ABLIM2: variants seen among roughly 807,000 people sequenced by gnomAD.
The protein encoded by ABLIM2 is actin binding LIM protein family member 2, also known as actin-binding LIM protein 2.
In ABLIM2, 53 loss-of-function variants were observed where a neutral mutation model predicts 97.7. The ratio of observed to expected loss-of-function variants is 0.54; its 90% CI spans 0.44 to 0.68. ABLIM2 has a LOEUF of 0.68. ABLIM2 is among the 30% of genes least tolerant of loss of function. The pLI is 0.00. For synonymous variants in ABLIM2, 361 were observed against 345.8 expected (o/e 1.04, Z -0.49); for missense variants, 835 against 867.2 (o/e 0.96, Z 0.47).
In ABLIM2 at chr4:8,019,436, T is replaced by A. The variant is rs142027399; in HGVS notation, c.1423+182A>T. Among the ~76,000 whole-genome samples the A allele has an allele frequency of 6.6e-6, 1 of 152,268 alleles. No individual in the cohort carries two copies. The highest frequency in any genetic ancestry group is 2.4e-5 in the African/African-American group (1 of 41,544). ...ACTCAGACATACCCTTCATCGTAAT[T>A]TATCAGAACAGGACTCTCGGGAGGC... On this transcript the variant is annotated intron_variant, in intron 14 of 20. Transcript: ENST00000447017. The surrounding 1 kb of genome is among the most constrained non-coding windows in gnomAD (Gnocchi z 4.3).
At chr4:8,025,476 T>G (rs1776711282) in intron 12 of ABLIM2, among the ~76,000 whole-genome samples, 2 of 152,072 alleles carry the variant, frequency 1.3e-5, no homozygotes, top group South Asian at 4.1e-4. Context: ...CACCCTCCTC[T>G]GCTACAAGGC....
In ABLIM2 at chr4:8,023,357, G is replaced by A. The variant is rs538649097; in HGVS notation, c.1268-3054C>T. Among the ~76,000 whole-genome samples the A allele has an allele frequency of 7.9e-5, 12 of 152,372 alleles. No homozygotes were observed. Among genetic ancestry groups the A allele is most frequent in the Non-Finnish European group, 1.3e-4 (9 of 68,042 alleles). On this transcript the variant is annotated intron_variant, in intron 12 of 20. Transcript: ENST00000447017. The surrounding 1 kb of genome is among the most constrained non-coding windows in gnomAD (Gnocchi z 5.7). ...CTCTCGGCTGCGACCTTTTGCAGAC[G>A]TTCCTTGTGTCTGAGGACTCTGGCA...
At position 8,071,951 on chromosome 4, in the gene ABLIM2, AG is replaced by A; in HGVS notation, c.675+5676del. Reference sequence around the variant, plus strand: ...GCACCGGCACACTGGGCCGAGCATCAGGCAGTGCCACCGCGGCGGCGGCAGC... The same window carrying A: ...GCACCGGCACACTGGGCCGAGCATCAGCAGTGCCACCGCGGCGGCGGCAGC... On this transcript the variant is annotated intron_variant, in intron 6 of 20. Coordinates refer to ENST00000447017, the MANE Select transcript of ABLIM2 (RefSeq NM_001130083.2). This position sits in a 1 kb window ranked among gnomAD's most constrained non-coding sequence, Gnocchi z 6.2. 1 of 985,440 alleles carries A rather than the reference AG, an allele frequency of 1.0e-6. No individual in the cohort carries two copies. The highest frequency in any genetic ancestry group is 1.2e-6 in the Non-Finnish European group (1 of 829,990). The allele number at this position is 985,440 out of a possible 1,614,324, so 61.0% of individuals were successfully genotyped here.
chr4:7,995,419 T>C (rs371750607), intron 16 of ABLIM2, among the ~76,000 whole-genome samples: 19 of 152,226 alleles, frequency 1.2e-4, no homozygotes, highest in African/African-American at 4.1e-4. Context: ...GCAAGGACCA[T>C]GCCTCCAGGG....
intron 1 of ABLIM2, among the ~76,000 whole-genome samples, chr4:8,138,219 G>A (rs1428036617): frequency 6.6e-6 from 1 of 152,078 alleles, no homozygotes; most frequent in Admixed American, 6.6e-5. Context: ...AGATGAAAAA[G>A]GTTCTATGGA....
chr4:8,120,290 C>G lies in ABLIM2; in HGVS notation c.11-13653G>C, dbSNP rs1002652889. 6.6e-6 allele frequency among the ~76,000 whole-genome samples: 1 copy of G among 152,130 alleles called. No homozygotes were observed. Among genetic ancestry groups the G allele is most frequent in the Non-Finnish European group, 1.5e-5 (1 of 68,030 alleles). ...CGTTGAAGTCCTAACCCCCGGACCT[C>G]GGCAAGTGACTGTGTTCGGAGACGG... On this transcript the variant is annotated intron_variant, in intron 1 of 20. Transcript: ENST00000447017. The surrounding 1 kb of genome is among the most constrained non-coding windows in gnomAD (Gnocchi z 5.6).
intron 17 of ABLIM2, among the ~76,000 whole-genome samples, chr4:7,985,174 C>A (rs890579817): frequency 3.9e-5 from 6 of 152,196 alleles, no homozygotes; most frequent in African/African-American, 1.4e-4. Context: ...GTGGACAGCT[C>A]CAACCCCATT....
intron 20 of ABLIM2, among the ~76,000 whole-genome samples, chr4:7,978,376 A>G (rs1735258133): frequency 6.6e-6 from 1 of 152,342 alleles, no homozygotes; most frequent in East Asian, 1.9e-4. Flanking sequence ...CCCAGCTGTC[A>G]GAGGGTGTTT....
intron 1 of ABLIM2, among the ~76,000 whole-genome samples, chr4:8,158,355 C>T (rs1716094969): frequency 6.6e-6 from 1 of 152,160 alleles, no homozygotes; most frequent in Non-Finnish European, 1.5e-5. Context: ...CCGCGCGGAC[C>T]CTGACCGCTT....
At chr4:8,131,632 G>A (rs1395853158) in intron 1 of ABLIM2, among the ~76,000 whole-genome samples, 1 of 148,006 alleles carries the variant, frequency 6.8e-6, no homozygotes, top group African/African-American at 2.6e-5. Flanking sequence ...CTGCATCCCT[G>A]AGCACAGCAG....
rs1355777458 is a variant in ABLIM2, at chr4:8,015,122, T to C, written c.1423+4496A>G. The stretch of plus-strand genomic sequence containing the variant: ...TGTTAGTGGAGACGGGGTTTCACCA[T>C]GTTGGCCAGGCTGGTCTCGAATGCT... On this transcript the variant is annotated intron_variant, in intron 14 of 20. Coordinates refer to ENST00000447017, the MANE Select transcript of ABLIM2 (RefSeq NM_001130083.2). This position sits in a 1 kb window ranked among gnomAD's most constrained non-coding sequence, Gnocchi z 4.6. Among the ~76,000 whole-genome samples the C allele has an allele frequency of 1.3e-5, 2 of 152,096 alleles. No homozygotes were observed. The highest frequency in any genetic ancestry group is 2.9e-5 in the Non-Finnish European group (2 of 68,006).
intron 3 of ABLIM2, among the ~76,000 whole-genome samples, chr4:8,092,477 C>T (rs116754462): frequency 0.023 from 3,558 of 152,214 alleles, 135 homozygotes; most frequent in African/African-American, 0.08. Flanking sequence ...AACAGAATGG[C>T]GTATGACAAA....
At chr4:8,145,545 G>A (rs905627742) in intron 1 of ABLIM2, among the ~76,000 whole-genome samples, 5 of 152,076 alleles carry the variant, frequency 3.3e-5, no homozygotes, top group South Asian at 4.2e-4. Context: ...GGTGAGCGCC[G>A]GGGGTTCCTG....
At chr4:8,089,141 C>A (rs1476224895) in intron 3 of ABLIM2, among the ~76,000 whole-genome samples, 1 of 152,226 alleles carries the variant, frequency 6.6e-6, no homozygotes, top group African/African-American at 2.4e-5. Flanking sequence ...GCAGCAAGTG[C>A]CTGGAGTGAG....
In ABLIM2 at chr4:8,068,387, G is replaced by A. The variant is rs1406665092; in HGVS notation, c.676-7333C>T. Among the ~76,000 whole-genome samples, 1 of 152,152 alleles carries A rather than the reference G, an allele frequency of 6.6e-6. No individual in the cohort carries two copies. The highest frequency in any genetic ancestry group is 1.5e-5 in the Non-Finnish European group (1 of 68,030). On this transcript the variant is annotated intron_variant, in intron 6 of 20. Coordinates refer to ENST00000447017, the MANE Select transcript of ABLIM2 (RefSeq NM_001130083.2). The surrounding 1 kb of genome is among the most constrained non-coding windows in gnomAD (Gnocchi z 4.5). ...CTGTGGTGGCTCAGGGTGACCACAG[G>A]TCCTCAGCCAGTGCTGGGTCAGAGG...
At chr4:8,153,636 A>T (rs1238459960) in intron 1 of ABLIM2, among the ~76,000 whole-genome samples, 1 of 152,232 alleles carries the variant, frequency 6.6e-6, no homozygotes, top group East Asian at 1.9e-4. Flanking sequence ...CCCCCATCCC[A>T]CGCAGCAGAT....
At chr4:7,971,016 G>A (rs1356998945) in intron 20 of ABLIM2, among the ~76,000 whole-genome samples, 1 of 152,076 alleles carries the variant, frequency 6.6e-6, no homozygotes, top group Non-Finnish European at 1.5e-5. Context: ...CTGGGTGAGG[G>A]TCACATGAGG....
At chr4:8,060,920 G>T in intron 7 of ABLIM2, 47 bp downstream of exon 7, 1 of 1,472,662 alleles carries the variant, frequency 6.8e-7, no homozygotes, top group Non-Finnish European at 9.3e-7. Flanking sequence ...CATCGAAGAG[G>T]GTAGTTCCTT....
chr4:8,151,589 C>T (rs1362821645), intron 1 of ABLIM2, among the ~76,000 whole-genome samples: 3 of 152,136 alleles, frequency 2.0e-5, no homozygotes, highest in African/African-American at 4.8e-5. Context: ...GCAGCAGGGT[C>T]CCTAAAATGG....
Sources: gnomAD v4.1 joint callset for allele counts (sites outside exome capture counted in the v4.1 genomes callset) on GRCh38, gnomAD v4.1.1 for gene constraint, Gnocchi (gnomAD v3.1) non-coding constraint, MANE v1.5 for transcripts, NCBI Gene and HGNC (gene_info 2026-07-23, HGNC 2026-07-21) for gene names.